PATJ: variants seen among roughly 807,000 people sequenced by gnomAD.
PATJ encodes inaD-like protein.
PATJ carries 190 observed loss-of-function variants against 224.9 expected under a neutral mutation model. The observed-to-expected ratio is 0.84, with a 90% CI of 0.75 to 0.95. The LOEUF (loss-of-function observed/expected upper bound fraction) is 0.95. PATJ is among the 40% of genes least tolerant of loss of function. The pLI is 0.00. For synonymous variants in PATJ, 769 were observed against 820.3 expected (o/e 0.94, Z 1.07); for missense variants, 2,121 against 2,270.3 (o/e 0.93, Z 1.34).
At chr1:62,010,749 T>C (rs1646398246) in intron 28 of PATJ, among the ~76,000 whole-genome samples, 1 of 152,204 alleles carries the variant, frequency 6.6e-6, no homozygotes, top group South Asian at 2.1e-4. Flanking sequence ...TCCTCATGGC[T>C]GGGGAAGCTT....
chr1:61,813,368 TATATATATATACACAC>T (rs1456702993), intron 14 of PATJ, among the ~76,000 whole-genome samples: 11 of 46,138 alleles, frequency 2.4e-4, no homozygotes, highest in East Asian at 1.9e-3. Flanking sequence ...TATATATATA[TATATATATATACACAC>T]ACACACACAC....
chr1:62,077,995 A>G (rs1658613263), intron 31 of PATJ, among the ~76,000 whole-genome samples: 2 of 152,246 alleles, frequency 1.3e-5, no homozygotes, highest in Non-Finnish European at 2.9e-5. Flanking sequence ...CATATGCACA[A>G]TGGATGGTAT....
intron 37 of PATJ, 159 bp downstream of exon 37, chr1:62,117,377 G>A (rs1664555116): frequency 7.1e-7 from 1 of 1,418,020 alleles, no homozygotes. Context: ...AAAAATGAAA[G>A]GTGGGATGGA....
In PATJ at chr1:61,946,483, C is replaced by T. The variant is rs551412734; in HGVS notation, c.3670+18654C>T. ...AAAATCTAGAAGAAATGGATAAATT[C>T]CTGGACACATACACCCTCCCAAGAC... On this transcript the variant is annotated intron_variant, in intron 27 of 43. Coordinates refer to ENST00000642238, the MANE Select transcript of PATJ (RefSeq NM_001350145.3). 4.0e-4 allele frequency among the ~76,000 whole-genome samples: 61 copies of T among 152,274 alleles called. 1 individual carries two copies. In the East Asian group the frequency reaches 0.011, roughly 27 times the overall value.
chr1:62,006,331 G>A (rs1296193355), intron 28 of PATJ, among the ~76,000 whole-genome samples: 2 of 152,144 alleles, frequency 1.3e-5, no homozygotes, highest in African/African-American at 4.8e-5. Context: ...CCCCAGGCTG[G>A]TCTCGAACTC....
chr1:61,858,618 C>T (rs1242202148), intron 18 of PATJ, among the ~76,000 whole-genome samples: 3 of 152,044 alleles, frequency 2.0e-5, no homozygotes, highest in Non-Finnish European at 2.9e-5. Context: ...TTCACCATCG[C>T]GAAGACAGCA....
At chr1:61,989,860 T>G (rs1238619551) in intron 27 of PATJ, among the ~76,000 whole-genome samples, 2 of 152,196 alleles carry the variant, frequency 1.3e-5, no homozygotes, top group Non-Finnish European at 2.9e-5. Context: ...TGACCTTAAG[T>G]ACCTTCATTC....
At chr1:61,866,278 T>A (rs1665412904) in intron 20 of PATJ, among the ~76,000 whole-genome samples, 3 of 152,224 alleles carry the variant, frequency 2.0e-5, no homozygotes, top group Admixed American at 2.0e-4. Flanking sequence ...AAAGGCAACC[T>A]GAAATACCAG....
intron 22 of PATJ, among the ~76,000 whole-genome samples, chr1:61,885,695 A>G (rs11582159): frequency 0.98 from 149,149 of 151,456 alleles, 73,479 homozygotes; most frequent in East Asian, 1. Flanking sequence ...CCAAAGGACT[A>G]TAAATCATGC....
chr1:61,753,602 C>T (rs1234251055), intron 1 of PATJ, among the ~76,000 whole-genome samples: 1 of 151,776 alleles, frequency 6.6e-6, no homozygotes, highest in African/African-American at 2.4e-5. Flanking sequence ...CTCCGCCTCC[C>T]GGGTTCAAGC....
intron 39 of PATJ, among the ~76,000 whole-genome samples, chr1:62,125,157 A>T (rs1271384304): frequency 1.4e-5 from 2 of 145,760 alleles, no homozygotes; most frequent in African/African-American, 5.1e-5. Context: ...AGATCGCTTG[A>T]GCTCAGGAGG....
chr1:61,759,341 G>C (rs1645828673), intron 1 of PATJ, among the ~76,000 whole-genome samples: 1 of 151,794 alleles, frequency 6.6e-6, no homozygotes, highest in South Asian at 2.1e-4. Flanking sequence ...TGAGCCACAG[G>C]CTTGCTGTTA....
At chr1:62,054,193 A>T in intron 31 of PATJ, 9 of 166,712 alleles carry the variant, frequency 5.4e-5, no homozygotes, top group Non-Finnish European at 1.0e-4. Context: ...TTTTTATTTA[A>T]AAAAAAAAAA....
At chr1:62,123,207 A>G in intron 39 of PATJ, 149 bp downstream of exon 39, 1 of 591,532 alleles carries the variant, frequency 1.7e-6, no homozygotes, top group Non-Finnish European at 2.9e-6. Flanking sequence ...ATCAATAAAT[A>G]GACTTAGAAA....
intron 30 of PATJ, among the ~76,000 whole-genome samples, chr1:62,039,749 G>A (rs4072372): frequency 0.28 from 42,654 of 151,946 alleles, 6,195 homozygotes; most frequent in South Asian, 0.5. Context: ...CTTCGCTTTT[G>A]GAGCAGAAAC....
chr1:62,052,935 G>A (rs1653894550), intron 31 of PATJ, among the ~76,000 whole-genome samples: 1 of 152,206 alleles, frequency 6.6e-6, no homozygotes, highest in South Asian at 2.1e-4. Context: ...TTAGGGGAAA[G>A]TCTTTTAAAG....
In PATJ at chr1:61,888,295, G is replaced by A. The variant is rs528635520; in HGVS notation, c.3131+3887G>A. Among the ~76,000 whole-genome samples, 57 of 151,948 alleles carry A rather than the reference G, an allele frequency of 3.8e-4. 1 individual carries two copies. In the South Asian group the frequency reaches 9.2e-3, roughly 25 times the overall value. On this transcript the variant is annotated intron_variant, in intron 22 of 43. Coordinates refer to ENST00000642238, the MANE Select transcript of PATJ (RefSeq NM_001350145.3). ...AAATTTTTTTCTTCTTTTTATTTTT[G>A]AGACAGGGTCTTACTCTGTTGCCCA...
chr1:61,775,363 G>C (rs199783824), intron 7 of PATJ, 29 bp downstream of exon 7: 47 of 1,588,614 alleles, frequency 3.0e-5, no homozygotes, highest in Non-Finnish European at 2.6e-5. Context: ...TTATCATTTT[G>C]GTTTTATAAA....
In PATJ at chr1:61,884,228, G is replaced by C; in HGVS notation, c.2960-9G>C. On this transcript the variant is annotated splice_polypyrimidine_tract_variant and intron_variant, in intron 21 of 43. Transcript: ENST00000642238. ...CTTGTGTTCACTGTCATCTGGATTT[G>C]CTCTTCAGGCATGATCCCGAATGAT... 1 of 1,578,820 alleles carries C rather than the reference G, an allele frequency of 6.3e-7. No homozygotes were observed. Among genetic ancestry groups the C allele is most frequent in the Non-Finnish European group, 8.6e-7 (1 of 1,164,612 alleles).
Sources: gnomAD v4.1 joint callset for allele counts (sites outside exome capture counted in the v4.1 genomes callset) on GRCh38, gnomAD v4.1.1 for gene constraint, MANE v1.5 for transcripts, NCBI Gene and HGNC (gene_info 2026-07-23, HGNC 2026-07-21) for gene names.